The following FRAS1 variants were observed in gnomAD, a reference collection of about 807,000 sequenced individuals.
FRAS1 encodes extracellular matrix organizing protein FRAS1.
In FRAS1, 290 loss-of-function variants were observed where a neutral mutation model predicts 435.2. The observed-to-expected ratio is 0.67, with a 90% CI of 0.61 to 0.73. FRAS1 has a LOEUF of 0.73. FRAS1 is among the 30% of genes least tolerant of loss of function. The probability of loss-of-function intolerance (pLI) is 0.00; values close to 1 mark genes in which losing one functional copy is unlikely to be tolerated. For synonymous variants in FRAS1, 1,800 were observed against 1,851.0 expected (o/e 0.97, Z 0.71); for missense variants, 4,860 against 5,001.5 (o/e 0.97, Z 0.85).
chr4:78,293,861 C>T (rs2110197670), intron 14 of FRAS1, among the ~76,000 whole-genome samples: 1 of 152,338 alleles, frequency 6.6e-6, no homozygotes, highest in African/African-American at 2.4e-5. Flanking sequence ...GTCTTTGCCA[C>T]TTCTAGACCC....
chr4:78,258,169 T>A (rs1406037964), intron 6 of FRAS1, among the ~76,000 whole-genome samples: 1 of 151,928 alleles, frequency 6.6e-6, no homozygotes, highest in Non-Finnish European at 1.5e-5. Context: ...GGCAAAACCC[T>A]GTGTCTACAA....
chr4:78,267,135 A>G (rs1726398675), intron 8 of FRAS1, 106 bp from the exon 9 acceptor site: 18 of 1,194,578 alleles, frequency 1.5e-5, no homozygotes, highest in Middle Eastern at 4.9e-4. Context: ...CGGGCCAGAG[A>G]AAGAGCCATG....
intron 2 of FRAS1, among the ~76,000 whole-genome samples, chr4:78,206,229 A>C (rs888694093): frequency 2.0e-5 from 3 of 152,076 alleles, no homozygotes; most frequent in African/African-American, 7.2e-5. Context: ...AGAGGGAGTT[A>C]TACTACAGAG....
At chr4:78,168,926 G>A (rs541324652) in intron 2 of FRAS1, among the ~76,000 whole-genome samples, 1 of 152,248 alleles carries the variant, frequency 6.6e-6, no homozygotes, top group South Asian at 2.1e-4. Flanking sequence ...TTGTGTGCAA[G>A]ATGTCTGACA....
intron 72 of FRAS1, 138 bp from the exon 73 acceptor site, chr4:78,539,156 G>T: frequency 1.4e-6 from 1 of 720,112 alleles, no homozygotes; most frequent in South Asian, 2.1e-5. Flanking sequence ...CTTATGGAGA[G>T]GGCTTCACAG....
chr4:78,219,843 G>GA (rs1465330995), intron 2 of FRAS1, among the ~76,000 whole-genome samples: 5 of 152,212 alleles, frequency 3.3e-5, no homozygotes, highest in East Asian at 1.9e-4. Context: ...TTTCTCTGCA[G>GA]AAAAAAACTT....
intron 47 of FRAS1, among the ~76,000 whole-genome samples, chr4:78,454,233 C>T (rs1042320706): frequency 6.6e-6 from 1 of 151,206 alleles, no homozygotes. Context: ...CATCCTGAGG[C>T]AGGTTCCGTC....
chr4:78,384,784 A>G (rs1481698846), intron 28 of FRAS1, among the ~76,000 whole-genome samples: 1 of 151,534 alleles, frequency 6.6e-6, no homozygotes, highest in Non-Finnish European at 1.5e-5. Context: ...ATGCATTCCT[A>G]TAGTCCCAGC....
chr4:78,496,731 G>A (rs555434853), intron 59 of FRAS1, 74 bp from the exon 60 acceptor site: 3 of 1,373,788 alleles, frequency 2.2e-6, no homozygotes, highest in Admixed American at 4.4e-5. Context: ...AAGAAAGATA[G>A]TTTTCTAGGA....
intron 61 of FRAS1, among the ~76,000 whole-genome samples, chr4:78,502,822 GC>G (rs1720723508): frequency 6.6e-6 from 1 of 152,126 alleles, no homozygotes; most frequent in South Asian, 2.1e-4. Context: ...TCCAGCTTTT[GC>G]CCATTCAATA....
rs1172844228 is a variant in FRAS1 at position 78,472,160 on chromosome 4, T to C, written c.7372-20T>C. On this transcript the variant is annotated intron_variant, in intron 51 of 73. Coordinates refer to ENST00000512123, the MANE Select transcript of FRAS1 (RefSeq NM_025074.7). ...TTTATTCCCACCTCAGGAATTAAAT[T>C]AAATGGGTTTCTATTCTAGGCAACC... 9 of 1,613,238 alleles carry C rather than the reference T, an allele frequency of 5.6e-6. No homozygotes were observed. The highest frequency in any genetic ancestry group is 7.6e-6 in the Non-Finnish European group (9 of 1,179,326).
intron 2 of FRAS1, among the ~76,000 whole-genome samples, chr4:78,134,133 G>A (rs572376947): frequency 6.6e-6 from 1 of 151,734 alleles, no homozygotes; most frequent in African/African-American, 2.4e-5. Flanking sequence ...TAATTTTTTT[G>A]TATTTTTGTA....
intron 14 of FRAS1, among the ~76,000 whole-genome samples, chr4:78,289,744 C>T (rs1323455710): frequency 6.6e-6 from 1 of 152,178 alleles, no homozygotes; most frequent in Admixed American, 6.5e-5. Flanking sequence ...TCACCCATTT[C>T]CAGGAATTAA....
At position 78,519,435 on chromosome 4, in the gene FRAS1, C is replaced by A. The variant is rs149604281; in HGVS notation, c.10494C>A (p.Thr3498=). Residue 3498 remains threonine (T), a synonymous_variant, in exon 67 of 74, where the codon ACC becomes ACA. Transcript: ENST00000512123. ...PRGWASLEHH[T]EMEFSFFYDT... ...GCTGGGCCTCCTTGGAGCACCACAC[C>A]GAGATGGAGTTTTCTTTCTTCTATG... 1 of 1,611,792 alleles carries A rather than the reference C, an allele frequency of 6.2e-7. No individual in the cohort carries two copies. The highest frequency in any genetic ancestry group is 1.3e-5 in the African/African-American group (1 of 74,712).
rs761759566 is a variant in FRAS1 at position 78,507,496 on chromosome 4, T to C, written c.9392T>C (p.Val3131Ala). ...DREWHESFSL[V>A]LGPDDPVEAV... ...GAATGGCATGAATCTTTCTCACTAG[T>C]CCTTGGCCCAGATGACCCAGTGGAA... The change falls in exon 62 of 74, where the codon GTC (valine) becomes GCC (alanine). Residue 3131 changes from valine to alanine, a missense_variant. Coordinates refer to ENST00000512123, the MANE Select transcript of FRAS1 (RefSeq NM_025074.7). 5.6e-6 allele frequency: 9 copies of C among 1,612,756 alleles called. No homozygotes were observed. The African/African-American group carries it at 1.2e-4, about 22-fold the overall frequency.
chr4:78,146,164 TAC>T (rs929875048), intron 2 of FRAS1, among the ~76,000 whole-genome samples: 1 of 152,182 alleles, frequency 6.6e-6, no homozygotes, highest in African/African-American at 2.4e-5. Flanking sequence ...AGGAATAATG[TAC>T]AGAGTCTTAA....
At chr4:78,174,082 G>A (rs996345516) in intron 2 of FRAS1, among the ~76,000 whole-genome samples, 2 of 152,190 alleles carry the variant, frequency 1.3e-5, no homozygotes, top group Non-Finnish European at 2.9e-5. Context: ...CTGAATCCGG[G>A]AGATCAGAAT....
chr4:78,338,994 G>C (rs375158123), intron 20 of FRAS1, among the ~76,000 whole-genome samples: 8 of 152,362 alleles, frequency 5.3e-5, no homozygotes, highest in East Asian at 3.8e-4. Flanking sequence ...GGAAGCCCAA[G>C]TGTAGAGACT....
intron 61 of FRAS1, among the ~76,000 whole-genome samples, chr4:78,501,652 G>T (rs529150728): frequency 6.6e-6 from 1 of 152,042 alleles, no homozygotes; most frequent in Non-Finnish European, 1.5e-5. Flanking sequence ...TTTAATGATC[G>T]CCAGTCTAAC....
Sources: gnomAD v4.1 joint callset for allele counts (sites outside exome capture counted in the v4.1 genomes callset) on GRCh38, gnomAD v4.1.1 for gene constraint, MANE v1.5 for transcripts, NCBI Gene and HGNC (gene_info 2026-07-23, HGNC 2026-07-21) for gene names.